Variants in FARP1 observed in about 807,000 individuals in gnomAD.
FARP1 encodes FERM, ARHGEF and pleckstrin domain-containing protein 1.
FARP1 carries 52 observed loss-of-function variants against 128.8 expected under a neutral mutation model. That is an observed-to-expected ratio of 0.40 (90% CI 0.32 to 0.51). The LOEUF (loss-of-function observed/expected upper bound fraction) is 0.51, where lower values mean the gene tolerates loss of function less well. Among genes scored for constraint, FARP1 ranks in the 20% least tolerant of loss-of-function variants. The probability of loss-of-function intolerance (pLI) is 0.45; values close to 1 mark genes in which losing one functional copy is unlikely to be tolerated. For missense variants in FARP1, 1,333 were observed against 1,367.9 expected (o/e 0.97, Z 0.40); for synonymous variants, 580 against 551.8 (o/e 1.05, Z -0.72).
rs1882781225 is a variant in FARP1, at chr13:98,241,681, T to G, written c.171+28268T>G. 2.6e-5 allele frequency among the ~76,000 whole-genome samples: 4 copies of G among 152,092 alleles called. No individual in the cohort carries two copies. The South Asian group carries it at 8.3e-4, about 32-fold the overall frequency. ...CTGTAATCCTAGCATTTTGGGAGGC[T>G]GAGGTGGGTGGATCACCTGAGGTCA... is the stretch of plus-strand genomic sequence containing the variant. On this transcript the variant is annotated intron_variant, in intron 2 of 26. Coordinates refer to ENST00000319562, the MANE Select transcript of FARP1 (RefSeq NM_005766.4).
chr13:98,409,963 G>A (rs989091615), intron 14 of FARP1, among the ~76,000 whole-genome samples: 4 of 152,176 alleles, frequency 2.6e-5, no homozygotes, highest in East Asian at 3.8e-4. Context: ...GTGATGTCCC[G>A]CTGTGTGTAT....
intron 2 of FARP1, among the ~76,000 whole-genome samples, chr13:98,263,864 C>G (rs11618205): frequency 3.7e-4 from 57 of 152,286 alleles, no homozygotes; most frequent in East Asian, 1.5e-3. Context: ...GTGCTCCCCC[C>G]CCAACAACAT....
chr13:98,275,059 A>G (rs1358546646), intron 2 of FARP1, among the ~76,000 whole-genome samples: 3 of 152,172 alleles, frequency 2.0e-5, no homozygotes, highest in Non-Finnish European at 4.4e-5. Flanking sequence ...TTATCTTGTG[A>G]TACAGGACTG....
intron 1 of FARP1, among the ~76,000 whole-genome samples, chr13:98,190,560 A>G (rs1477558520): frequency 6.8e-6 from 1 of 147,992 alleles, no homozygotes; most frequent in Non-Finnish European, 1.5e-5. Context: ...CATTTCATTT[A>G]CTTATTTATT....
chr13:98,175,053 T>C (rs1774050774), intron 1 of FARP1, among the ~76,000 whole-genome samples: 1 of 152,200 alleles, frequency 6.6e-6, no homozygotes, highest in African/African-American at 2.4e-5. Context: ...GTTGCTTGCA[T>C]AGCCGACTGC....
intron 1 of FARP1, among the ~76,000 whole-genome samples, chr13:98,197,001 T>G (rs1325883807): frequency 1.3e-5 from 2 of 152,264 alleles, no homozygotes; most frequent in Non-Finnish European, 2.9e-5. Context: ...TAATACTGCA[T>G]AGTTTATTTC....
At chr13:98,227,774 G>T (rs1241200654) in intron 2 of FARP1, among the ~76,000 whole-genome samples, 1 of 152,108 alleles carries the variant, frequency 6.6e-6, no homozygotes, top group African/African-American at 2.4e-5. Flanking sequence ...CGTGCAAAAT[G>T]GTGTACTATT....
chr13:98,351,700 A>G (rs1277934407), intron 3 of FARP1, among the ~76,000 whole-genome samples: 1 of 151,910 alleles, frequency 6.6e-6, no homozygotes, highest in Non-Finnish European at 1.5e-5. Context: ...GGCCTCAGGA[A>G]GTTTTTACTC....
intron 2 of FARP1, among the ~76,000 whole-genome samples, chr13:98,301,911 G>A (rs1215262190): frequency 3.3e-5 from 5 of 152,038 alleles, no homozygotes; most frequent in Non-Finnish European, 5.9e-5. Flanking sequence ...TCGGGTGACC[G>A]GATTTCTCAA....
chr13:98,192,042 A>G (rs1483115222), intron 1 of FARP1, among the ~76,000 whole-genome samples: 1 of 152,132 alleles, frequency 6.6e-6, no homozygotes, highest in Non-Finnish European at 1.5e-5. Flanking sequence ...TGACATCCAG[A>G]CACTGTGTAT....
At chr13:98,394,644 T>G (rs1247943469) in intron 12 of FARP1, among the ~76,000 whole-genome samples, 1 of 152,028 alleles carries the variant, frequency 6.6e-6, no homozygotes, top group Non-Finnish European at 1.5e-5. Context: ...ATAAAAAAAT[T>G]TAAAAATTAG....
chr13:98,263,096 C>T (rs1444449985), intron 2 of FARP1, among the ~76,000 whole-genome samples: 1 of 152,126 alleles, frequency 6.6e-6, no homozygotes, highest in Non-Finnish European at 1.5e-5. Flanking sequence ...GCAACCTCCA[C>T]CTCCCGGTTT....
At chr13:98,446,007 A>G in intron 24 of FARP1, 91 bp from the exon 25 acceptor site, 1 of 848,694 alleles carries the variant, frequency 1.2e-6, no homozygotes, top group Non-Finnish European at 1.9e-6. Flanking sequence ...GACATGCCCC[A>G]GCCCAGGGCC....
At chr13:98,195,449 G>A (rs1879510023) in intron 1 of FARP1, among the ~76,000 whole-genome samples, 1 of 152,164 alleles carries the variant, frequency 6.6e-6, no homozygotes, top group African/African-American at 2.4e-5. Flanking sequence ...ATTACGGGAA[G>A]CTCTGCAGTT....
chr13:98,367,133 AGATGATGATGATGATGAT>A (rs111823714), intron 4 of FARP1, among the ~76,000 whole-genome samples: 2 of 148,590 alleles, frequency 1.3e-5, no homozygotes, highest in Non-Finnish European at 3.0e-5. Context: ...TGCAAATCAC[AGATGATGATGATGATGAT>A]GATGATGATG....
intron 1 of FARP1, among the ~76,000 whole-genome samples, chr13:98,152,893 C>A (rs993386160): frequency 6.6e-6 from 1 of 152,030 alleles, no homozygotes. Flanking sequence ...TTTAAGCTGG[C>A]CTTGCAGGGC....
At chr13:98,428,832 G>C (rs1891888909) in intron 17 of FARP1, among the ~76,000 whole-genome samples, 1 of 152,228 alleles carries the variant, frequency 6.6e-6, no homozygotes, top group Non-Finnish European at 1.5e-5. Flanking sequence ...GACATGCCAG[G>C]ATGTTACAAC....
At chr13:98,422,736 CTTCTGTTCGTCAGAAGA>C (rs1469366156) in intron 16 of FARP1, among the ~76,000 whole-genome samples, 1 of 152,178 alleles carries the variant, frequency 6.6e-6, no homozygotes, top group Non-Finnish European at 1.5e-5. Context: ...TCCTTGCCCT[CTTCTGTTCGTCAGAAGA>C]TCCTTGATGT....
At chr13:98,253,778 A>G (rs1280994247) in intron 2 of FARP1, among the ~76,000 whole-genome samples, 1 of 152,126 alleles carries the variant, frequency 6.6e-6, no homozygotes, top group Non-Finnish European at 1.5e-5. Context: ...AGTTCATAGC[A>G]AACATTTCAT....
Sources: allele counts gnomAD v4.1 joint callset (sites outside exome capture counted in the v4.1 genomes callset), GRCh38; gene constraint gnomAD v4.1.1; transcripts MANE v1.5; gene names NCBI Gene and HGNC (gene_info 2026-07-23, HGNC 2026-07-21).